Variants in TLK1 observed in about 807,000 individuals in gnomAD.
The protein encoded by TLK1 is serine/threonine-protein kinase tousled-like 1.
Under a neutral mutation model 105.3 loss-of-function variants are expected in TLK1, and 24 were observed. That is an observed-to-expected ratio of 0.23 (90% confidence interval 0.17 to 0.32). TLK1 has a LOEUF of 0.32. TLK1 is among the 10% of genes least tolerant of loss of function. The probability of loss-of-function intolerance (pLI) is 1.00; values close to 1 mark genes in which losing one functional copy is unlikely to be tolerated. For synonymous variants in TLK1, 321 were observed against 310.4 expected (o/e 1.03, Z -0.36); for missense variants, 558 against 910.5 (o/e 0.61, Z 4.98).
At chr2:171,133,061 A>C (rs185551468) in intron 1 of TLK1, among the ~76,000 whole-genome samples, 3 of 152,316 alleles carry the variant, frequency 2.0e-5, no homozygotes, top group African/African-American at 7.2e-5. Context: ...TTGGAGCTCA[A>C]TATGTAAAAC....
rs114314749 is a variant in TLK1 at position 171,002,117 on chromosome 2, C to T, written c.1904+4030G>A. ...ATAGCATCTGGGAACTCTTGGTTGG[C>T]GGGAGCTGCTTCTCCTGTTATCTTG... On this transcript the variant is annotated intron_variant, in intron 18 of 20. Transcript: ENST00000431350. 9.8e-3 allele frequency among the ~76,000 whole-genome samples: 1,485 copies of T among 152,134 alleles called. 10 individuals are homozygous for T. The highest frequency in any genetic ancestry group is 0.014 in the Non-Finnish European group (951 of 67,990).
intron 2 of TLK1, among the ~76,000 whole-genome samples, chr2:171,109,830 C>G (rs1690084263): frequency 6.6e-6 from 1 of 152,166 alleles, no homozygotes; most frequent in Non-Finnish European, 1.5e-5. Flanking sequence ...CAGCAACAAC[C>G]TGGATAAATC....
chr2:171,069,925 AT>A (rs1350255290), intron 3 of TLK1, among the ~76,000 whole-genome samples: 2 of 152,218 alleles, frequency 1.3e-5, no homozygotes, highest in African/African-American at 4.8e-5. Flanking sequence ...GAGACCCAAA[AT>A]TTGAAAACTG....
intron 2 of TLK1, among the ~76,000 whole-genome samples, chr2:171,097,527 A>G (rs1266307635): frequency 1.3e-5 from 2 of 152,224 alleles, no homozygotes; most frequent in Non-Finnish European, 2.9e-5. Context: ...TCAACACAGT[A>G]AAGAGACAAT....
chr2:171,105,954 G>GT (rs1303606329), intron 2 of TLK1, among the ~76,000 whole-genome samples: 2 of 152,190 alleles, frequency 1.3e-5, no homozygotes, highest in Non-Finnish European at 2.9e-5. Context: ...TGGAATCAAT[G>GT]TAAGTGTCCA....
chr2:171,139,843 G>A (rs972552624), intron 1 of TLK1, among the ~76,000 whole-genome samples: 1 of 152,080 alleles, frequency 6.6e-6, no homozygotes, highest in African/African-American at 2.4e-5. Flanking sequence ...GTGGAGTGGA[G>A]ATGGTTTCAG....
intron 2 of TLK1, among the ~76,000 whole-genome samples, chr2:171,096,256 T>C (rs1169902537): frequency 6.6e-6 from 1 of 152,112 alleles, no homozygotes; most frequent in Admixed American, 6.5e-5. Flanking sequence ...TTCCAGCATT[T>C]TGGGAGGCCA....
intron 3 of TLK1, among the ~76,000 whole-genome samples, chr2:171,078,482 G>A (rs1423001913): frequency 6.6e-5 from 10 of 152,022 alleles, no homozygotes; most frequent in Admixed American, 6.6e-5. Flanking sequence ...AGGTTGTGGT[G>A]AGCTGAGATC....
chr2:171,155,509 A>G (rs1427460558), intron 1 of TLK1: 1 of 152,196 alleles, frequency 6.6e-6, no homozygotes, highest in Non-Finnish European at 1.5e-5. Context: ...GACTTGCAAG[A>G]ACATTCAAAA....
Position 171,125,322 on chromosome 2 carries a change from C to T in TLK1, c.140-7465G>A, listed in dbSNP as rs1328730462. ...TTACTTTCATGTATACTGTATTCCT[C>T]TATTGCAGCTCTAGTGTCACTTCAT... On this transcript the variant is annotated intron_variant, in intron 1 of 20. Transcript: ENST00000431350. 3.9e-5 allele frequency among the ~76,000 whole-genome samples: 6 copies of T among 152,276 alleles called. No individual in the cohort carries two copies. The East Asian group carries it at 1.2e-3, about 29-fold the overall frequency.
At chr2:171,194,823 A>T (rs889621513) in intron 1 of TLK1, among the ~76,000 whole-genome samples, 1 of 149,128 alleles carries the variant, frequency 6.7e-6, no homozygotes. Context: ...TCTCAGGGAA[A>T]AAAAAAAAAA....
intron 12 of TLK1, among the ~76,000 whole-genome samples, chr2:171,020,063 G>A (rs1221804202): frequency 2.6e-4 from 36 of 136,128 alleles, no homozygotes; most frequent in African/African-American, 4.3e-4. Flanking sequence ...CTCCGTCTCA[G>A]AAAAAAAAAA....
At chr2:171,201,919 A>ATCTC (rs1693406106) in intron 1 of TLK1, among the ~76,000 whole-genome samples, 1 of 151,816 alleles carries the variant, frequency 6.6e-6, no homozygotes, top group Non-Finnish European at 1.5e-5. Context: ...CTATCTATCT[A>ATCTC]TCTATCTATC....
chr2:171,157,002 C>T (rs552695031), intron 1 of TLK1, among the ~76,000 whole-genome samples: 5 of 152,242 alleles, frequency 3.3e-5, no homozygotes, highest in African/African-American at 7.2e-5. Flanking sequence ...GACAGGGTTT[C>T]ACCATGTTGT....
intron 1 of TLK1, chr2:171,153,738 C>G (rs1340570730): frequency 6.6e-6 from 1 of 152,144 alleles, no homozygotes; most frequent in African/African-American, 2.4e-5. Context: ...TTCTGAGGAA[C>G]AATCACCTAC....
chr2:171,140,885 C>T (rs1202702995), intron 1 of TLK1, among the ~76,000 whole-genome samples: 1 of 152,070 alleles, frequency 6.6e-6, no homozygotes, highest in Non-Finnish European at 1.5e-5. Flanking sequence ...GAGTAGTTAA[C>T]ACTGAGAACT....
chr2:171,189,205 C>T (rs370657344), intron 1 of TLK1, among the ~76,000 whole-genome samples: 2 of 143,618 alleles, frequency 1.4e-5, no homozygotes, highest in South Asian at 2.2e-4. Context: ...CTTGCTCTGT[C>T]GCCCAGACTA....
At chr2:171,190,805 G>T (rs1200406210) in intron 1 of TLK1, among the ~76,000 whole-genome samples, 1 of 152,148 alleles carries the variant, frequency 6.6e-6, no homozygotes, top group Non-Finnish European at 1.5e-5. Flanking sequence ...GTATTTATCA[G>T]TTTTTAAAAT....
chr2:170,993,678 A>AAG lies in TLK1; in HGVS notation c.*101_*102insCT, dbSNP rs1397042690. 5.5e-6 allele frequency: 5 copies of AAG among 905,098 alleles called. No individual in the cohort carries two copies. The East Asian group carries it at 1.4e-4, about 26-fold the overall frequency. 56.1% of individuals were successfully genotyped at this position (905,098 alleles called of 1,614,324 possible). The stretch of plus-strand genomic sequence containing the variant: ...TAACCACGTCTTGTGTAAAAAAAAA[A>AAG]AAAAAAAAAAAAGAAAAAGAAAACA... On this transcript the variant is annotated 3_prime_UTR_variant, in exon 21 of 21. Transcript: ENST00000431350.
Sources: gnomAD v4.1 joint callset for allele counts (sites outside exome capture counted in the v4.1 genomes callset) on GRCh38, gnomAD v4.1.1 for gene constraint, MANE v1.5 for transcripts, NCBI Gene and HGNC (gene_info 2026-07-23, HGNC 2026-07-21) for gene names.